The following PLCB1 variants were observed in gnomAD, a reference collection of about 807,000 sequenced individuals.
The protein encoded by PLCB1 is phospholipase C beta 1.
A neutral mutation model predicts 161.8 loss-of-function variants in PLCB1; 46 were observed. The observed-to-expected ratio is 0.28, with a 90% CI of 0.22 to 0.36. The LOEUF (loss-of-function observed/expected upper bound fraction) is 0.36, where lower values mean the gene tolerates loss of function less well. PLCB1 is among the 10% of genes least tolerant of loss of function. The pLI, the probability that PLCB1 is intolerant of heterozygous loss-of-function variation, is 1.00. For synonymous variants in PLCB1, 517 were observed against 503.7 expected, an observed-to-expected ratio of 1.03 and a Z score of -0.35; for missense variants, 1,016 against 1,472.5, an observed-to-expected ratio of 0.69 and a Z score of 5.07.
At chr20:8,306,072 A>T (rs1209754839) in intron 2 of PLCB1, 3 of 152,166 alleles carry the variant, frequency 2.0e-5, no homozygotes, top group Admixed American at 1.3e-4. Context: ...GGGGTGTTTA[A>T]AGAATTGTTG....
intron 2 of PLCB1, among the ~76,000 whole-genome samples, chr20:8,185,404 T>C (rs2051892235): frequency 6.6e-6 from 1 of 152,066 alleles, no homozygotes; most frequent in Non-Finnish European, 1.5e-5. Flanking sequence ...TACAGTGAAA[T>C]ATTTTTCAGC....
chr20:8,315,826 G>A (rs1362183010), intron 2 of PLCB1, among the ~76,000 whole-genome samples: 5 of 152,144 alleles, frequency 3.3e-5, no homozygotes, highest in African/African-American at 4.8e-5. Context: ...GAAGTCAGAT[G>A]CTGAGGGCAA....
rs191042907 is a variant in PLCB1 at position 8,314,405 on chromosome 20, T to C, written c.178-56977T>C. Reference sequence around the variant, plus strand: ...AGTGATGGCAAAATATCAGAATATATGTAAGAAGCCATATATTCAGGAAAA... The same window carrying C: ...AGTGATGGCAAAATATCAGAATATACGTAAGAAGCCATATATTCAGGAAAA... On this transcript the variant is annotated intron_variant, in intron 2 of 31. Coordinates refer to ENST00000338037, the MANE Select transcript of PLCB1 (RefSeq NM_015192.4). 2.0e-5 allele frequency among the ~76,000 whole-genome samples: 3 copies of C among 152,296 alleles called. No individual in the cohort carries two copies. The East Asian group carries it at 5.8e-4, about 29-fold the overall frequency.
chr20:8,473,856 C>T (rs1262308817), intron 3 of PLCB1, among the ~76,000 whole-genome samples: 1 of 152,164 alleles, frequency 6.6e-6, no homozygotes. Context: ...GATGCAGAAC[C>T]TTAACCCCAT....
intron 3 of PLCB1, among the ~76,000 whole-genome samples, chr20:8,494,203 A>G (rs1983066431): frequency 2.0e-5 from 3 of 152,228 alleles, no homozygotes; most frequent in African/African-American, 7.2e-5. Flanking sequence ...TGTCTTGAAT[A>G]TTGGATAAAC....
chr20:8,771,007 C>T (rs1982648829), intron 26 of PLCB1, among the ~76,000 whole-genome samples: 1 of 152,000 alleles, frequency 6.6e-6, no homozygotes, highest in South Asian at 2.1e-4. Flanking sequence ...TGTAAAAATC[C>T]CATGAAAATA....
chr20:8,240,306 G>GCACA (rs1243676536), intron 2 of PLCB1, among the ~76,000 whole-genome samples: 12 of 77,122 alleles, frequency 1.6e-4, no homozygotes, highest in African/African-American at 6.6e-4. Context: ...ACACACACAC[G>GCACA]CACACACACA....
intron 2 of PLCB1, among the ~76,000 whole-genome samples, chr20:8,239,333 T>C (rs1980489181): frequency 6.6e-6 from 1 of 151,944 alleles, no homozygotes; most frequent in South Asian, 2.1e-4. Context: ...AACCTTCCTA[T>C]ATAGTAAGGA....
intron 3 of PLCB1, among the ~76,000 whole-genome samples, chr20:8,445,310 T>A (rs1980770967): frequency 1.3e-5 from 2 of 152,220 alleles, no homozygotes; most frequent in Admixed American, 6.5e-5. Context: ...GGGAATCTTT[T>A]CCCCATTTCT....
chr20:8,754,825 A>G (rs977205178), intron 23 of PLCB1, among the ~76,000 whole-genome samples: 2 of 152,230 alleles, frequency 1.3e-5, no homozygotes, highest in African/African-American at 4.8e-5. Context: ...ATTTGACAAC[A>G]CTGGTTGAGC....
At chr20:8,466,316 G>C (rs1981818461) in intron 3 of PLCB1, among the ~76,000 whole-genome samples, 1 of 140,546 alleles carries the variant, frequency 7.1e-6, no homozygotes, top group Non-Finnish European at 1.5e-5. Flanking sequence ...ACACTCTGGG[G>C]ACTGTTGTGG....
intron 3 of PLCB1, among the ~76,000 whole-genome samples, chr20:8,620,882 TAATA>T (rs1247435878): frequency 4.6e-5 from 7 of 152,184 alleles, no homozygotes; most frequent in Non-Finnish European, 8.8e-5. Context: ...TTGTCATTAT[TAATA>T]AATTGTCATC....
intron 2 of PLCB1, among the ~76,000 whole-genome samples, chr20:8,324,758 T>C (rs1419849662): frequency 6.6e-6 from 1 of 152,228 alleles, no homozygotes; most frequent in African/African-American, 2.4e-5. Context: ...TTTGGTCTCA[T>C]GAATTCATAA....
At position 8,229,856 on chromosome 20, in the gene PLCB1, C is replaced by CATAAAATAAAATAAAATAAATAAA. The variant is rs1555791645; in HGVS notation, c.177+79505_177+79506insTAAAATAAAATAAAATAAAATAAA. Among the ~76,000 whole-genome samples, 5 of 35,076 alleles carry CATAAAATAAAATAAAATAAATAAA rather than the reference C, an allele frequency of 1.4e-4. No homozygotes were observed. The East Asian group carries it at 1.9e-3, about 13-fold the overall frequency. 23.0% of individuals were successfully genotyped at this position (35,076 alleles called of 152,430 possible). On this transcript the variant is annotated intron_variant, in intron 2 of 31. Transcript: ENST00000338037. ...TGGGCAACATGGTGAGAGCCCATCT[C>CATAAAATAAAATAAAATAAATAAA]ATAAAATAAAATAAAATAAAATAAA...
intron 3 of PLCB1, among the ~76,000 whole-genome samples, chr20:8,464,607 G>C (rs1427915857): frequency 6.6e-6 from 1 of 152,194 alleles, no homozygotes; most frequent in East Asian, 1.9e-4. Context: ...CAACCTGGAT[G>C]ACTCAGCAGG....
intron 3 of PLCB1, among the ~76,000 whole-genome samples, chr20:8,588,014 G>A (rs540750359): frequency 3.3e-4 from 51 of 152,264 alleles, no homozygotes; most frequent in Non-Finnish European, 6.5e-4. Context: ...CCAGACTGAC[G>A]TGTATCGAAA....
At chr20:8,532,222 G>A (rs758745390) in intron 3 of PLCB1, among the ~76,000 whole-genome samples, 18 of 152,152 alleles carry the variant, frequency 1.2e-4, no homozygotes, top group African/African-American at 2.9e-4. Flanking sequence ...AACTGGGAAC[G>A]TATTAGATTC....
rs74489766 is a variant in PLCB1, at chr20:8,609,080, T to A, written c.247-19214T>A. On this transcript the variant is annotated intron_variant, in intron 3 of 31. Transcript: ENST00000338037. ...CCTGCCAAAATAAGAAAAACTTTAT[T>A]GATTTGAAAGTGTTAATTTCCTCCA... is the stretch of plus-strand genomic sequence containing the variant. Among the ~76,000 whole-genome samples, 1,221 of 152,296 alleles carry A rather than the reference T, an allele frequency of 8.0e-3. 10 individuals are homozygous for A. Among genetic ancestry groups the A allele is most frequent in the Non-Finnish European group, 0.014 (926 of 68,018 alleles).
intron 2 of PLCB1, among the ~76,000 whole-genome samples, chr20:8,325,216 T>C (rs1425986254): frequency 6.6e-6 from 1 of 152,188 alleles, no homozygotes; most frequent in Non-Finnish European, 1.5e-5. Flanking sequence ...ATGCACATTC[T>C]GAAAAACAGT....
Sources: allele counts gnomAD v4.1 joint callset (sites outside exome capture counted in the v4.1 genomes callset), GRCh38; gene constraint gnomAD v4.1.1; transcripts MANE v1.5; gene names NCBI Gene and HGNC (gene_info 2026-07-23, HGNC 2026-07-21).